Variants in RGS7 observed in about 807,000 individuals in gnomAD.
The protein encoded by RGS7 is regulator of G protein signaling 7.
Under a neutral mutation model 81.1 loss-of-function variants are expected in RGS7, and 27 were observed. That is an observed-to-expected ratio of 0.33 (90% CI 0.25 to 0.46). The LOEUF (loss-of-function observed/expected upper bound fraction) is 0.46. RGS7 is among the 20% of genes least tolerant of loss of function. The pLI is 1.00. For synonymous variants in RGS7, 208 were observed against 207.7 expected (o/e 1.00, Z -0.01); for missense variants, 396 against 607.4 (o/e 0.65, Z 3.66).
chr1:241,007,884 T>G (rs1270695602), intron 3 of RGS7, among the ~76,000 whole-genome samples: 1 of 152,204 alleles, frequency 6.6e-6, no homozygotes, highest in East Asian at 1.9e-4. Flanking sequence ...CACCCAACTG[T>G]GCGGGCACAT....
rs1317667340 is a variant in RGS7, at chr1:240,933,039, C to CCAG, written c.334-2272_334-2271insCTG. On this transcript the variant is annotated intron_variant, in intron 5 of 18. Coordinates refer to ENST00000440928, the MANE Select transcript of RGS7 (RefSeq NM_001364886.1). The stretch of plus-strand genomic sequence containing the variant: ...GCTGGGACTACAGGCGCCCGCACCA[C>CCAG]GCCCGGCTAATTTTTTGTATTTTCA... Among the ~76,000 whole-genome samples, 8 of 148,608 alleles carry CCAG rather than the reference C, an allele frequency of 5.4e-5. 1 individual carries two copies. Among genetic ancestry groups the CCAG allele is most frequent in the Non-Finnish European group, 1.0e-4 (7 of 66,968 alleles).
chr1:241,332,345 G>T (rs2082020255), intron 2 of RGS7, among the ~76,000 whole-genome samples: 1 of 152,174 alleles, frequency 6.6e-6, no homozygotes, highest in Non-Finnish European at 1.5e-5. Context: ...ACGTGATCTT[G>T]TGTGAAAGGA....
intron 18 of RGS7, among the ~76,000 whole-genome samples, chr1:240,787,360 T>G (rs1685243652): frequency 6.6e-6 from 1 of 152,194 alleles, no homozygotes; most frequent in East Asian, 1.9e-4. Flanking sequence ...AGATGCTCCT[T>G]TATTCATTTT....
chr1:241,220,049 G>A (rs1403743154), intron 2 of RGS7, among the ~76,000 whole-genome samples: 2 of 152,156 alleles, frequency 1.3e-5, no homozygotes, highest in African/African-American at 4.8e-5. Flanking sequence ...TTGTAAATAG[G>A]AAGTAAATTT....
intron 2 of RGS7, among the ~76,000 whole-genome samples, chr1:241,214,120 C>T (rs947824439): frequency 6.6e-6 from 1 of 152,178 alleles, no homozygotes; most frequent in Non-Finnish European, 1.5e-5. Flanking sequence ...ACTTGCCTCT[C>T]CAGTAGATCT....
intron 2 of RGS7, among the ~76,000 whole-genome samples, chr1:241,313,019 C>T (rs2080643832): frequency 1.3e-5 from 2 of 152,142 alleles, no homozygotes; most frequent in Non-Finnish European, 1.5e-5. Flanking sequence ...ATAAGCCAAA[C>T]CCTAATCCAG....
At chr1:241,249,148 G>A (rs1479285096) in intron 2 of RGS7, among the ~76,000 whole-genome samples, 1 of 151,834 alleles carries the variant, frequency 6.6e-6, no homozygotes, top group Admixed American at 6.6e-5. Context: ...ATTTTTTTTG[G>A]TTTATAGATT....
intron 2 of RGS7, among the ~76,000 whole-genome samples, chr1:241,100,102 G>A (rs972362867): frequency 1.4e-4 from 21 of 152,070 alleles, no homozygotes; most frequent in African/African-American, 3.9e-4. Flanking sequence ...TTGGCCGGGC[G>A]CGGTGGCTCA....
At chr1:240,909,039 C>A (rs183144368) in intron 6 of RGS7, among the ~76,000 whole-genome samples, 20 of 152,338 alleles carry the variant, frequency 1.3e-4, no homozygotes, top group Admixed American at 9.8e-4. Context: ...ACATCATACG[C>A]AGCAGAATCA....
chr1:240,813,155 C>G (rs1690175144), intron 13 of RGS7, among the ~76,000 whole-genome samples: 1 of 152,182 alleles, frequency 6.6e-6, no homozygotes, highest in South Asian at 2.1e-4. Context: ...CTTTGCTTTT[C>G]TTAGGAAGTG....
intron 2 of RGS7, among the ~76,000 whole-genome samples, chr1:241,222,987 C>T (rs2075104203): frequency 6.6e-6 from 1 of 152,182 alleles, no homozygotes; most frequent in Non-Finnish European, 1.5e-5. Flanking sequence ...CTGCAAAGGA[C>T]ATGAACTCAT....
At chr1:240,806,103 A>G in intron 15 of RGS7, 37 bp downstream of exon 15, 1 of 1,587,078 alleles carries the variant, frequency 6.3e-7, no homozygotes, top group South Asian at 1.1e-5. Flanking sequence ...AACTTCTCGG[A>G]AGCACGTTTG....
rs1435837450 is a variant in RGS7 at position 241,220,984 on chromosome 1, AG to A, written c.79-122223del. ...AAGGAAGGAAGGAAGGAAGGAAGGA[AG>A]GAAGGAAGGAAGAGAGAGAGAAAGG... On this transcript the variant is annotated intron_variant, in intron 2 of 18. Coordinates refer to ENST00000440928, the MANE Select transcript of RGS7 (RefSeq NM_001364886.1). Among the ~76,000 whole-genome samples the A allele has an allele frequency of 4.1e-3, 193 of 46,668 alleles. 3 individuals are homozygous for A. Among genetic ancestry groups the A allele is most frequent in the African/African-American group, 0.013 (160 of 12,570 alleles). The allele number at this position is 46,668 out of a possible 152,430, so 30.6% of individuals were successfully genotyped here.
At chr1:241,236,730 G>A (rs950687337) in intron 2 of RGS7, among the ~76,000 whole-genome samples, 11 of 152,142 alleles carry the variant, frequency 7.2e-5, no homozygotes, top group African/African-American at 2.4e-4. Flanking sequence ...AGCAATATGA[G>A]CTTGAATTAA....
chr1:241,167,256 T>C (rs2070334864), intron 2 of RGS7, among the ~76,000 whole-genome samples: 1 of 152,174 alleles, frequency 6.6e-6, no homozygotes, highest in African/African-American at 2.4e-5. Flanking sequence ...GAAGAATACA[T>C]ACAAATACGT....
intron 4 of RGS7, among the ~76,000 whole-genome samples, chr1:240,978,083 C>T (rs530648672): frequency 3.8e-4 from 58 of 152,254 alleles, no homozygotes; most frequent in African/African-American, 1.4e-3. Context: ...CTTATTAATG[C>T]AAATTTACAT....
At chr1:241,057,474 A>G (rs938716477) in intron 3 of RGS7, among the ~76,000 whole-genome samples, 12 of 152,190 alleles carry the variant, frequency 7.9e-5, no homozygotes, top group African/African-American at 2.9e-4. Flanking sequence ...TATTTCTCCT[A>G]TTTTACATAT....
intron 4 of RGS7, among the ~76,000 whole-genome samples, chr1:240,974,839 G>T (rs1313644093): frequency 6.6e-6 from 1 of 151,918 alleles, no homozygotes; most frequent in Non-Finnish European, 1.5e-5. Context: ...TAAGATTCTG[G>T]CCCACTTGCA....
intron 18 of RGS7, among the ~76,000 whole-genome samples, chr1:240,790,230 T>C (rs999387991): frequency 6.6e-6 from 1 of 151,408 alleles, no homozygotes; most frequent in Non-Finnish European, 1.5e-5. Context: ...AGACTCTGTC[T>C]CAAAAAACAA....
Sources: gnomAD v4.1 joint callset for allele counts (sites outside exome capture counted in the v4.1 genomes callset) on GRCh38, gnomAD v4.1.1 for gene constraint, MANE v1.5 for transcripts, NCBI Gene and HGNC (gene_info 2026-07-23, HGNC 2026-07-21) for gene names.